The following ZNF234 variants were observed in gnomAD, a reference collection of about 807,000 sequenced individuals.
ZNF234 encodes zinc finger protein 234, also known as C2-H2 type zinc finger protein.
In ZNF234, 4 loss-of-function variants were observed where a neutral mutation model predicts 10.3. That is an observed-to-expected ratio of 0.39 (90% CI 0.19 to 0.89). The LOEUF (loss-of-function observed/expected upper bound fraction) is 0.89. Ranked by LOEUF, ZNF234 falls within the 40% of genes least tolerant of loss-of-function variation. The pLI is 0.38. For missense variants in ZNF234, 711 were observed against 836.1 expected (o/e 0.85, Z 1.85); for synonymous variants, 258 against 280.1 (o/e 0.92, Z 0.79).
Position 44,159,771 on chromosome 19 carries a change from T to C in ZNF234, c.*1652T>C, listed in dbSNP as rs906368204. 14 of 345,016 alleles carry C rather than the reference T, an allele frequency of 4.1e-5. No homozygotes were observed. Among genetic ancestry groups the C allele is most frequent in the Admixed American group, 3.3e-4 (12 of 36,626 alleles). The allele number at this position is 345,016 out of a possible 1,614,324, so 21.4% of individuals were successfully genotyped here. A position where few individuals can be genotyped will look rare whatever the true frequency, so the allele number is the denominator to read the frequency against. ...ACTTCTGGCTGGGTGTGGTGGCTCA[T>C]GCCTGTAACCCCAGCACTTTAGGAG... On this transcript the variant is annotated 3_prime_UTR_variant, in exon 6 of 6. Coordinates refer to ENST00000426739, the MANE Select transcript of ZNF234 (RefSeq NM_006630.3).
chr19:44,144,078 C>A (rs2058692360), intron 2 of ZNF234, among the ~76,000 whole-genome samples: 1 of 152,128 alleles, frequency 6.6e-6, no homozygotes, highest in Non-Finnish European at 1.5e-5. Context: ...TCTTTAGGAA[C>A]TTTGCTGAGT....
chr19:44,145,511 G>A (rs547260478), intron 3 of ZNF234, among the ~76,000 whole-genome samples: 1 of 152,218 alleles, frequency 6.6e-6, no homozygotes, highest in African/African-American at 2.4e-5. Context: ...TCCTGCCTCA[G>A]CCTCCCGAGA....
intron 2 of ZNF234, 48 bp from the exon 3 acceptor site, chr19:44,144,509 G>A (rs1456378011): frequency 2.7e-6 from 2 of 744,780 alleles, no homozygotes; most frequent in African/African-American, 1.8e-5. Flanking sequence ...TGTGTTGGTG[G>A]GGACATCCCT....
chr19:44,150,639 C>A, intron 5 of ZNF234, 134 bp downstream of exon 5: 1 of 626,928 alleles, frequency 1.6e-6, no homozygotes, highest in Non-Finnish European at 2.8e-6. Context: ...TCGTACTGGG[C>A]GCACTGCATC....
rs181600669 is a variant in ZNF234, at chr19:44,155,969, G to A, written c.236-283G>A. Among the ~76,000 whole-genome samples the A allele has an allele frequency of 1.7e-3, 266 of 152,292 alleles. 1 individual carries two copies. Among genetic ancestry groups the A allele is most frequent in the African/African-American group, 6.1e-3 (252 of 41,566 alleles). ...ACTTTAAAATTCGATGGAAATGGCA[G>A]TACAATTTGTATCATGTTAATTTTT... On this transcript the variant is annotated intron_variant, in intron 5 of 5. Coordinates refer to ENST00000426739, the MANE Select transcript of ZNF234 (RefSeq NM_006630.3).
chr19:44,145,145 A>C (rs1968559975), intron 3 of ZNF234, among the ~76,000 whole-genome samples: 1 of 152,196 alleles, frequency 6.6e-6, no homozygotes, highest in Non-Finnish European at 1.5e-5. Flanking sequence ...CAGTTCTCCT[A>C]CTTTACTTCT....
At chr19:44,154,123 T>C (rs10402702) in intron 5 of ZNF234, among the ~76,000 whole-genome samples, 5,663 of 152,194 alleles carry the variant, frequency 0.037, 355 homozygotes, top group African/African-American at 0.13. Context: ...GCAGCCCTCA[T>C]TGGTGAGCTG....
chr19:44,151,258 A>G (rs1176697274), intron 5 of ZNF234, among the ~76,000 whole-genome samples: 1 of 151,994 alleles, frequency 6.6e-6, no homozygotes, highest in African/African-American at 2.4e-5. Context: ...GCTGGAGTAT[A>G]GTGGTGCAAT....
rs1352922525 is a variant in ZNF234 at position 44,158,372 on chromosome 19, C to T, written c.*253C>T. The T allele has an allele frequency of 4.4e-6, 2 of 450,080 alleles. No homozygotes were observed. Among genetic ancestry groups the T allele is most frequent in the East Asian group, 4.8e-5 (1 of 20,912 alleles). 27.9% of individuals were successfully genotyped at this position (450,080 alleles called of 1,614,324 possible). The stretch of plus-strand genomic sequence containing the variant: ...TCCCGGGTTCAAGTGATTCTCCTGC[C>T]TCAGTGGATTACAGGTGCACACCAC... On this transcript the variant is annotated 3_prime_UTR_variant, in exon 6 of 6. Coordinates refer to ENST00000426739, the MANE Select transcript of ZNF234 (RefSeq NM_006630.3).
At chr19:44,150,968 G>C in intron 5 of ZNF234, among the ~76,000 whole-genome samples, 1 of 151,600 alleles carries the variant, frequency 6.6e-6, no homozygotes, top group Non-Finnish European at 1.5e-5. Flanking sequence ...CAAGAGGCAG[G>C]TTGCAGTGAG....
chr19:44,154,346 C>A (rs150515530), intron 5 of ZNF234, among the ~76,000 whole-genome samples: 94 of 151,304 alleles, frequency 6.2e-4, no homozygotes, highest in Non-Finnish European at 1.0e-3. Flanking sequence ...TTACTGTCAG[C>A]TTTTAGAATA....
At position 44,156,434 on chromosome 19, in the gene ZNF234, A is replaced by G. The variant is rs1189134570; in HGVS notation, c.418A>G (p.Thr140Ala). Residue 140 changes from threonine (T) to alanine (A), a missense_variant, in exon 6 of 6, where the codon ACA becomes GCA. Transcript: ENST00000426739. Reference protein sequence around the residue: ...LSCQVRAGLYTTHTGQKFYQC... With the variant: ...LSCQVRAGLYATHTGQKFYQC... ...CTGCCAGGTTAGGGCAGGACTATATACAACTCACACAGGACAGAAATTTTA... is the reference window on the plus strand; with the variant it reads ...CTGCCAGGTTAGGGCAGGACTATATGCAACTCACACAGGACAGAAATTTTA... The G allele has an allele frequency of 3.1e-6, 5 of 1,613,600 alleles. No homozygotes were observed. The highest frequency in any genetic ancestry group is 1.7e-5 in the Admixed American group (1 of 59,962).
chr19:44,156,991 C>T lies in ZNF234; in HGVS notation c.975C>T (p.Phe325=). 1 of 1,614,000 alleles carries T rather than the reference C, an allele frequency of 6.2e-7. No individual in the cohort carries two copies. The highest frequency in any genetic ancestry group is 8.5e-7 in the Non-Finnish European group (1 of 1,179,950). Reference sequence around the variant, plus strand: ...AATGTGAGGACTGTGGTAAGTGTTTCACTTGTAGCTCAAACCTTCGTATCC... The same window carrying T: ...AATGTGAGGACTGTGGTAAGTGTTTTACTTGTAGCTCAAACCTTCGTATCC... ...PYKCEDCGKC[F]TCSSNLRIHQ... is the part of the protein sequence containing the mutation. The change falls in exon 6 of 6, where the codon TTC becomes TTT. Residue 325 remains phenylalanine, a synonymous_variant. Coordinates refer to ENST00000426739, the MANE Select transcript of ZNF234 (RefSeq NM_006630.3).
rs1172438904 is a variant in ZNF234, at chr19:44,157,563, A to C, written c.1547A>C (p.Glu516Ala). The change falls in exon 6 of 6, where the codon GAG becomes GCG. Residue 516 changes from glutamate to alanine, a missense_variant. Physicochemically the swap from Glu to Ala is moderately radical, Grantham distance 107 (BLOSUM62 -1). Transcript: ENST00000426739. ...HTGEKPYNCE[E>A]CGKVFSQASH... Reference sequence around the variant, plus strand: ...GGGGAGAAACCATATAATTGTGAGGAGTGTGGGAAGGTCTTCAGTCAGGCC... The same window carrying C: ...GGGGAGAAACCATATAATTGTGAGGCGTGTGGGAAGGTCTTCAGTCAGGCC... 6.2e-7 allele frequency: 1 copy of C among 1,613,872 alleles called. No homozygotes were observed. Among genetic ancestry groups the C allele is most frequent in the Admixed American group, 1.7e-5 (1 of 59,984 alleles).
rs776312941 is a variant in ZNF234 at position 44,156,415 on chromosome 19, G to A, written c.399G>A (p.Gln133=). Residue 133 remains glutamine (Q), a synonymous_variant, in exon 6 of 6, where the codon CAG becomes CAA. Coordinates refer to ENST00000426739, the MANE Select transcript of ZNF234 (RefSeq NM_006630.3). ...RFPRQGDLSC[Q]VRAGLYTTHT... The stretch of plus-strand genomic sequence containing the variant: ...CCAGACAAGGTGATTTGTCCTGCCA[G>A]GTTAGGGCAGGACTATATACAACTC... The A allele has an allele frequency of 1.9e-6, 3 of 1,613,426 alleles. No homozygotes were observed. The highest frequency in any genetic ancestry group is 2.5e-6 in the Non-Finnish European group (3 of 1,179,748).
At chr19:44,143,789 GC>G (rs374291501) in intron 2 of ZNF234, among the ~76,000 whole-genome samples, 25 of 152,166 alleles carry the variant, frequency 1.6e-4, no homozygotes, top group South Asian at 6.2e-4. Context: ...TCCAGCCTGG[GC>G]AACAAGAGCA....
At position 44,158,223 on chromosome 19, in the gene ZNF234, T is replaced by G. The variant is rs1461879683; in HGVS notation, c.*104T>G. 2.4e-6 allele frequency: 3 copies of G among 1,233,606 alleles called. No homozygotes were observed. Among genetic ancestry groups the G allele is most frequent in the Non-Finnish European group, 3.5e-6 (3 of 849,756 alleles). 76.4% of individuals were successfully genotyped at this position (1,233,606 alleles called of 1,614,324 possible). A position where few individuals can be genotyped will look rare whatever the true frequency, so the allele number is the denominator to read the frequency against. ...TCAACCTCTTTGAATTTATTTGATT[T>G]GTAACGCTCCACATTTCCACCTAGA... On this transcript the variant is annotated 3_prime_UTR_variant, in exon 6 of 6. Transcript: ENST00000426739.
intron 5 of ZNF234, among the ~76,000 whole-genome samples, chr19:44,152,743 G>GCAAACTGCTTTCCTTTCAGCA: frequency 6.6e-6 from 1 of 152,112 alleles, no homozygotes. Context: ...TAACTAGGTT[G>GCAAACTGCTTTCCTTTCAGCA]CAAACTGCTT....
At chr19:44,147,474 G>A (rs1035442504) in intron 3 of ZNF234, among the ~76,000 whole-genome samples, 9 of 151,784 alleles carry the variant, frequency 5.9e-5, no homozygotes, top group African/African-American at 2.2e-4. Flanking sequence ...CTGGGCTCAA[G>A]CAATCCTCCA....
Sources: allele counts gnomAD v4.1 joint callset (sites outside exome capture counted in the v4.1 genomes callset), GRCh38; gene constraint gnomAD v4.1.1; transcripts MANE v1.5; gene names NCBI Gene and HGNC (gene_info 2026-07-23, HGNC 2026-07-21).